The following NHERF2 variants were observed in gnomAD, a reference collection of about 807,000 sequenced individuals.
NHERF2 encodes the protein Na(+)/H(+) exchange regulatory cofactor NHE-RF2.
the NHERF2 span, among the ~76,000 whole-genome samples, chr16:2,034,174 A>G: frequency 6.6e-6 from 1 of 152,238 alleles, no homozygotes; most frequent in Admixed American, 6.5e-5. Context: ...GGCTGGCCGC[A>G]TGTGTGGGCT....
At chr16:2,037,415 G>A in the NHERF2 span, 20 of 941,690 alleles carry the variant, frequency 2.1e-5, no homozygotes, top group South Asian at 2.4e-4. Context: ...GTCCACCAGA[G>A]GCCCGAGGCC....
At chr16:2,032,727 A>G in the NHERF2 span, 1 of 822,490 alleles carries the variant, frequency 1.2e-6, no homozygotes, top group African/African-American at 1.9e-5. The surrounding 1 kb of genome is among the most constrained non-coding windows in gnomAD (Gnocchi z 4.0). Context: ...CCTGGGCCAC[A>G]CCAGGCTGGG....
At chr16:2,033,293 C>G in the NHERF2 span, 1 of 1,532,308 alleles carries the variant, frequency 6.5e-7, no homozygotes, top group Non-Finnish European at 8.7e-7. Flanking sequence ...CTGGGTCGGC[C>G]AGAGAGTTCA....
the NHERF2 span, chr16:2,038,403 C>G: frequency 1.1e-5 from 4 of 363,664 alleles, no homozygotes; most frequent in African/African-American, 2.3e-5. Flanking sequence ...ACCAGAGACC[C>G]CCCCCCTTCC....
the NHERF2 span, among the ~76,000 whole-genome samples, chr16:2,029,219 T>C: frequency 6.6e-6 from 1 of 152,206 alleles, no homozygotes. Flanking sequence ...ACAGGCAGAC[T>C]GAAAACCTGA....
At chr16:2,036,548 G>A in the NHERF2 span, 1 of 1,544,598 alleles carries the variant, frequency 6.5e-7, no homozygotes, top group South Asian at 1.2e-5. Flanking sequence ...CCCCGCACCT[G>A]TCCACACTGG....
the NHERF2 span, chr16:2,036,317 C>G: frequency 1.7e-5 from 27 of 1,602,488 alleles, no homozygotes; most frequent in Non-Finnish European, 1.1e-5. Flanking sequence ...GTCCGTTGGG[C>G]CTGCAGGATG....
At chr16:2,033,479 G>A in the NHERF2 span, 10 of 1,492,360 alleles carry the variant, frequency 6.7e-6, no homozygotes, top group Middle Eastern at 3.9e-4. Flanking sequence ...ACCGGCAGCC[G>A]CTCAGCCTCC....
chr16:2,027,210 C>A, the NHERF2 span: 2 of 1,384,126 alleles, frequency 1.4e-6, no homozygotes, highest in Non-Finnish European at 1.9e-6. Flanking sequence ...GGGCGAGACG[C>A]ACCACCAGGT....
At chr16:2,027,172 T>C in the NHERF2 span, 1 of 1,470,556 alleles carries the variant, frequency 6.8e-7, no homozygotes, top group Admixed American at 2.3e-5. Flanking sequence ...GGGGACCGCC[T>C]GGTCGAGGTC....
chr16:2,036,431 G>C, the NHERF2 span: 1 of 1,606,662 alleles, frequency 6.2e-7, no homozygotes. Flanking sequence ...GGCCCGGCCA[G>C]TACATCCGCT....
the NHERF2 span, chr16:2,036,278 G>A: frequency 7.8e-6 from 12 of 1,539,398 alleles, no homozygotes; most frequent in Non-Finnish European, 9.7e-6. Context: ...GCCTCTGGAG[G>A]CGGGAGGCTG....
At chr16:2,029,792 G>T in the NHERF2 span, 1 of 1,548,612 alleles carries the variant, frequency 6.5e-7, no homozygotes, top group East Asian at 2.4e-5. Context: ...GGTATGGCGG[G>T]CTTGGCCCAC....
chr16:2,035,366 G>A, the NHERF2 span: 1 of 948,872 alleles, frequency 1.1e-6, no homozygotes, highest in Non-Finnish European at 1.2e-6. Flanking sequence ...TGAGGTCTGA[G>A]CGCCCCCTTG....
the NHERF2 span, chr16:2,038,106 AG>A: frequency 7.8e-7 from 1 of 1,278,904 alleles, no homozygotes. Flanking sequence ...CCCAGAAATC[AG>A]CCCCAGCCCC....
chr16:2,037,066 C>T, the NHERF2 span: 1 of 1,519,426 alleles, frequency 6.6e-7, no homozygotes, highest in Non-Finnish European at 8.9e-7. Context: ...CAGAGGCCCC[C>T]TTCTCCCTGG....
the NHERF2 span, chr16:2,037,824 A>C: frequency 6.3e-7 from 1 of 1,584,816 alleles, no homozygotes; most frequent in African/African-American, 1.3e-5. Flanking sequence ...TGCTCACCCC[A>C]GGATGGCAGT....
chr16:2,033,423 G>A, the NHERF2 span: 2 of 1,533,088 alleles, frequency 1.3e-6, no homozygotes, highest in Admixed American at 3.9e-5. Context: ...CACCCCAGAG[G>A]CTGGTACAGG....
At chr16:2,034,754 G>A in the NHERF2 span, among the ~76,000 whole-genome samples, 4 of 137,016 alleles carry the variant, frequency 2.9e-5, no homozygotes, top group Non-Finnish European at 4.8e-5. Flanking sequence ...CCTTCCCTCC[G>A]TCCCAGGCCA....
Sources: allele counts gnomAD v4.1 joint callset (sites outside exome capture counted in the v4.1 genomes callset), GRCh38; gene constraint gnomAD v4.1.1; non-coding constraint Gnocchi (gnomAD v3.1); transcripts MANE v1.5; gene names NCBI Gene and HGNC (gene_info 2026-07-23, HGNC 2026-07-21).